The following PRKN variants were observed in gnomAD, a reference collection of about 807,000 sequenced individuals.
The protein encoded by PRKN is E3 ubiquitin-protein ligase parkin.
A neutral mutation model predicts 59.5 loss-of-function variants in PRKN; 56 were observed. The observed-to-expected ratio is 0.94, with a 90% CI of 0.76 to 1.18. The LOEUF is 1.18. Among genes scored for constraint, PRKN ranks in the 50% most tolerant of loss-of-function variants. The pLI, the probability that PRKN is intolerant of heterozygous loss-of-function variation, is 0.00. For missense variants in PRKN, 657 were observed against 596.4 expected, an observed-to-expected ratio of 1.10 and a Z score of -1.06; for synonymous variants, 250 against 222.1, an observed-to-expected ratio of 1.13 and a Z score of -1.12.
At chr6:162,506,958 T>A (rs1194722020) in intron 1 of PRKN, among the ~76,000 whole-genome samples, 1 of 152,068 alleles carries the variant, frequency 6.6e-6, no homozygotes, top group Non-Finnish European at 1.5e-5. Flanking sequence ...GGGACAAAAA[T>A]ATTTTATATA....
Position 161,353,839 on chromosome 6 carries a change from G to C in PRKN, c.1286-3628C>G, listed in dbSNP as rs1784651495. On this transcript the variant is annotated intron_variant, in intron 11 of 11. Transcript: ENST00000366898. The surrounding 1 kb of genome is among the most constrained non-coding windows in gnomAD (Gnocchi z 4.8). ...AGGGATCAGACACTATTTCCTGGTA[G>C]ACAGCGCCAGGGTTGAAGAGCAGGA... Among the ~76,000 whole-genome samples the C allele has an allele frequency of 6.6e-6, 1 of 152,130 alleles. No homozygotes were observed. The highest frequency in any genetic ancestry group is 1.5e-5 in the Non-Finnish European group (1 of 68,034).
chr6:162,255,077 A>AAAAATAAAATAAAATAAAAT (rs200687735), intron 3 of PRKN, among the ~76,000 whole-genome samples: 100 of 138,406 alleles, frequency 7.2e-4, no homozygotes, highest in South Asian at 1.8e-3. Context: ...AGATTCATAC[A>AAAAATAAAATAAAATAAAAT]AAAATAAAAT....
chr6:162,019,110 A>G lies in PRKN; in HGVS notation c.618+34981T>C, dbSNP rs529958031. 1.4e-4 allele frequency among the ~76,000 whole-genome samples: 22 copies of G among 152,314 alleles called. No individual in the cohort carries two copies. In the South Asian group the frequency reaches 4.4e-3, roughly 30 times the overall value. ...GCTACCAAGGTATTTTCTTTCTACT[A>G]TCAGAATGAAACACTAGGGCTAAAA... On this transcript the variant is annotated intron_variant, in intron 5 of 11. Transcript: ENST00000366898.
intron 2 of PRKN, among the ~76,000 whole-genome samples, chr6:162,403,135 G>C (rs1156459386): frequency 2.0e-5 from 3 of 152,060 alleles, no homozygotes; most frequent in Non-Finnish European, 4.4e-5. Context: ...CTCAACATTG[G>C]TTTACAGCAT....
intron 6 of PRKN, among the ~76,000 whole-genome samples, chr6:161,811,321 T>C (rs1791548649): frequency 6.6e-6 from 1 of 152,196 alleles, no homozygotes; most frequent in South Asian, 2.1e-4. Context: ...TGTTTAATTT[T>C]CTAGTTCACC....
At chr6:162,333,094 T>C (rs1237633891) in intron 2 of PRKN, among the ~76,000 whole-genome samples, 1 of 152,160 alleles carries the variant, frequency 6.6e-6, no homozygotes, top group Non-Finnish European at 1.5e-5. Context: ...GCCCTGTTAC[T>C]ATACTTTTTC....
chr6:162,020,326 A>T (rs530352112), intron 5 of PRKN, among the ~76,000 whole-genome samples: 22 of 122,506 alleles, frequency 1.8e-4, no homozygotes, highest in Non-Finnish European at 3.4e-4. Flanking sequence ...TAAGTGACCA[A>T]TGAATCAAAA....
intron 2 of PRKN, among the ~76,000 whole-genome samples, chr6:162,330,907 T>C (rs988072658): frequency 6.6e-6 from 1 of 152,126 alleles, no homozygotes; most frequent in Non-Finnish European, 1.5e-5. Flanking sequence ...ACTGAGTGGG[T>C]GGGAGGCAGG....
intron 3 of PRKN, among the ~76,000 whole-genome samples, chr6:162,257,363 A>C (rs1249241806): frequency 6.6e-6 from 1 of 152,138 alleles, no homozygotes; most frequent in Non-Finnish European, 1.5e-5. Flanking sequence ...ATATAGTTTT[A>C]AAATCTGACT....
chr6:162,646,332 G>A (rs925063265), intron 1 of PRKN, among the ~76,000 whole-genome samples: 4 of 151,934 alleles, frequency 2.6e-5, no homozygotes, highest in African/African-American at 9.7e-5. Flanking sequence ...GAGTGCAGTG[G>A]TGTAATCATA....
intron 7 of PRKN, among the ~76,000 whole-genome samples, chr6:161,753,869 TG>T (rs1462063719): frequency 1.3e-5 from 2 of 152,138 alleles, no homozygotes. Context: ...TAAAAAGATG[TG>T]TGCAGTGCAG....
intron 5 of PRKN, among the ~76,000 whole-genome samples, chr6:162,044,573 A>G (rs191708353): frequency 6.6e-6 from 1 of 152,328 alleles, no homozygotes; most frequent in African/African-American, 2.4e-5. Flanking sequence ...GTTCAAAGTC[A>G]TGAGGACTGG....
At chr6:162,101,429 GAGGCC>G (rs1779964866) in intron 4 of PRKN, among the ~76,000 whole-genome samples, 1 of 151,850 alleles carries the variant, frequency 6.6e-6, no homozygotes, top group Non-Finnish European at 1.5e-5. Context: ...AGCACTTTGG[GAGGCC>G]GAGTCGGGCG....
chr6:162,697,155 G>A (rs946583640), intron 1 of PRKN, among the ~76,000 whole-genome samples: 3 of 151,980 alleles, frequency 2.0e-5, no homozygotes, highest in Non-Finnish European at 4.4e-5. Flanking sequence ...TCACATATAA[G>A]TAAAATTGTT....
At chr6:162,128,129 G>A (rs553635808) in intron 4 of PRKN, among the ~76,000 whole-genome samples, 1 of 152,260 alleles carries the variant, frequency 6.6e-6, no homozygotes, top group East Asian at 1.9e-4. Context: ...AGTAACTACT[G>A]AATGTCTTCA....
chr6:161,800,626 G>T (rs992719522), intron 6 of PRKN, among the ~76,000 whole-genome samples: 1 of 152,232 alleles, frequency 6.6e-6, no homozygotes, highest in Non-Finnish European at 1.5e-5. Context: ...TCCCACTGAT[G>T]ACCTGTTGTG....
chr6:161,438,304 G>A (rs1284009548), intron 9 of PRKN, among the ~76,000 whole-genome samples: 1 of 136,338 alleles, frequency 7.3e-6, no homozygotes. Context: ...TGCAACCTCC[G>A]CCTCCTGGGT....
intron 1 of PRKN, among the ~76,000 whole-genome samples, chr6:162,555,472 A>C (rs1779522611): frequency 6.6e-6 from 1 of 152,200 alleles, no homozygotes; most frequent in South Asian, 2.1e-4. Flanking sequence ...ACATTACCCA[A>C]ATAGAAGCTT....
At chr6:161,842,379 G>A (rs1237762365) in intron 6 of PRKN, among the ~76,000 whole-genome samples, 1 of 151,516 alleles carries the variant, frequency 6.6e-6, no homozygotes, top group East Asian at 2.0e-4. Context: ...GGCTGAGGCA[G>A]GAGGATCACT....
Sources: allele counts gnomAD v4.1 joint callset (sites outside exome capture counted in the v4.1 genomes callset), GRCh38; gene constraint gnomAD v4.1.1; non-coding constraint Gnocchi (gnomAD v3.1); transcripts MANE v1.5; gene names NCBI Gene and HGNC (gene_info 2026-07-23, HGNC 2026-07-21).